Variants in NIPAL2 observed in about 807,000 individuals in gnomAD.
NIPAL2 encodes NIPA like domain containing 2.
NIPAL2 carries 43 observed loss-of-function variants against 48.9 expected under a neutral mutation model. The ratio of observed to expected loss-of-function variants is 0.88; its 90% CI spans 0.69 to 1.13. NIPAL2 has a LOEUF of 1.13. NIPAL2 is among the 50% of genes most tolerant of loss of function. The pLI, the probability that NIPAL2 is intolerant of heterozygous loss-of-function variation, is 0.00. For synonymous variants in NIPAL2, 167 were observed against 174.6 expected, an observed-to-expected ratio of 0.96 and a Z score of 0.34; for missense variants, 446 against 461.4, an observed-to-expected ratio of 0.97 and a Z score of 0.31.
At chr8:98,285,338 G>A (rs1211001465) in intron 1 of NIPAL2, among the ~76,000 whole-genome samples, 4 of 152,188 alleles carry the variant, frequency 2.6e-5, no homozygotes, top group Non-Finnish European at 5.9e-5. Flanking sequence ...TCAGGTGGGT[G>A]TCCAGTCCTT....
chr8:98,199,870 A>G (rs1810723300), intron 8 of NIPAL2, among the ~76,000 whole-genome samples: 1 of 152,050 alleles, frequency 6.6e-6, no homozygotes, highest in Admixed American at 6.5e-5. Flanking sequence ...GTATTTTATG[A>G]ATTTTTGTGG....
intron 3 of NIPAL2, among the ~76,000 whole-genome samples, chr8:98,241,951 G>A (rs1387037452): frequency 6.6e-6 from 1 of 152,026 alleles, no homozygotes; most frequent in African/African-American, 2.4e-5. Context: ...TGACTCCAGA[G>A]TCAGGCACTA....
At chr8:98,251,106 C>T (rs564847849) in intron 3 of NIPAL2, among the ~76,000 whole-genome samples, 3 of 151,858 alleles carry the variant, frequency 2.0e-5, no homozygotes, top group South Asian at 4.2e-4. Context: ...AATTTCAATA[C>T]GATATGGTGC....
At position 98,294,193 on chromosome 8, in the gene NIPAL2, C is replaced by G. The variant is rs1040696146; in HGVS notation, c.-56G>C. The stretch of plus-strand genomic sequence containing the variant: ...CTCGGGCTGCGGCCGCCTCCCCGCC[C>G]TGTTGCACCGCGAGGAGGCCGCGCC... On this transcript the variant is annotated 5_prime_UTR_variant, in exon 1 of 11. Transcript: ENST00000430223. 151 of 1,249,018 alleles carry G rather than the reference C, an allele frequency of 1.2e-4. 1 individual carries two copies. The East Asian group carries it at 3.0e-3, about 25-fold the overall frequency. The allele number at this position is 1,249,018 out of a possible 1,614,324, so 77.4% of individuals were successfully genotyped here.
At chr8:98,260,096 G>T (rs1320821114) in intron 1 of NIPAL2, among the ~76,000 whole-genome samples, 2 of 152,170 alleles carry the variant, frequency 1.3e-5, no homozygotes, top group Non-Finnish European at 1.5e-5. Flanking sequence ...AAAAAGGTGA[G>T]ATATTTTGCT....
At chr8:98,257,952 G>T (rs925190429) in intron 1 of NIPAL2, among the ~76,000 whole-genome samples, 2 of 152,120 alleles carry the variant, frequency 1.3e-5, no homozygotes, top group African/African-American at 4.8e-5. Flanking sequence ...TCCCTAAAAT[G>T]TATAAAACCA....
chr8:98,196,338 C>A (rs1810547971), intron 8 of NIPAL2, among the ~76,000 whole-genome samples: 1 of 152,220 alleles, frequency 6.6e-6, no homozygotes, highest in African/African-American at 2.4e-5. Flanking sequence ...CTATTCCCCA[C>A]CTGCAGTTTT....
intron 1 of NIPAL2, among the ~76,000 whole-genome samples, chr8:98,258,577 A>G (rs142022052): frequency 6.6e-6 from 1 of 152,260 alleles, no homozygotes; most frequent in Non-Finnish European, 1.5e-5. Flanking sequence ...CTGTAACCCA[A>G]CTTAGTGGGT....
intron 1 of NIPAL2, among the ~76,000 whole-genome samples, chr8:98,259,070 C>CTTTTTTTT (rs869220202): frequency 1.7e-4 from 7 of 41,874 alleles, no homozygotes; most frequent in African/African-American, 3.3e-4. Flanking sequence ...TTAAATATTC[C>CTTTTTTTT]TTTTTTTTTT....
chr8:98,197,426 C>T (rs1810602438), intron 8 of NIPAL2, among the ~76,000 whole-genome samples: 2 of 152,126 alleles, frequency 1.3e-5, no homozygotes, highest in African/African-American at 4.8e-5. Flanking sequence ...GTTGATTGAT[C>T]AGGGTGGTGG....
intron 1 of NIPAL2, among the ~76,000 whole-genome samples, chr8:98,286,642 C>T (rs932241098): frequency 6.6e-6 from 1 of 151,870 alleles, no homozygotes; most frequent in Non-Finnish European, 1.5e-5. Context: ...AACCCTGTCT[C>T]TACTAAAAAT....
At chr8:98,258,069 TAC>T (rs1476939341) in intron 1 of NIPAL2, among the ~76,000 whole-genome samples, 1 of 152,256 alleles carries the variant, frequency 6.6e-6, no homozygotes, top group African/African-American at 2.4e-5. Context: ...TCAAATATTT[TAC>T]AGAGTTTGAC....
intron 3 of NIPAL2, among the ~76,000 whole-genome samples, chr8:98,249,816 C>G (rs182436024): frequency 2.0e-5 from 3 of 148,746 alleles, no homozygotes; most frequent in Non-Finnish European, 4.5e-5. Context: ...ATATTACACT[C>G]AAAGTATACA....
intron 5 of NIPAL2, among the ~76,000 whole-genome samples, chr8:98,221,978 T>G (rs1193920549): frequency 2.0e-5 from 3 of 152,180 alleles, no homozygotes; most frequent in Non-Finnish European, 4.4e-5. Context: ...TAAAGACACA[T>G]GCACACATAT....
chr8:98,231,048 A>G (rs938725255), intron 4 of NIPAL2, among the ~76,000 whole-genome samples: 18 of 152,210 alleles, frequency 1.2e-4, no homozygotes, highest in African/African-American at 4.1e-4. Flanking sequence ...TCCCTGCAGT[A>G]TGTCTCCTGG....
chr8:98,228,486 A>G lies in NIPAL2; in HGVS notation c.437-5886T>C, dbSNP rs114172598. ...TTCACTGCTACTTGCTACCTGGAAG[A>G]GCTTAGGCAAGTTATTTACTCCAGA... On this transcript the variant is annotated intron_variant, in intron 4 of 10. Transcript: ENST00000430223. Among the ~76,000 whole-genome samples, 968 of 152,336 alleles carry G rather than the reference A, an allele frequency of 6.4e-3. 13 individuals are homozygous for G. The highest frequency in any genetic ancestry group is 0.021 in the African/African-American group (886 of 41,566).
At chr8:98,234,675 G>A (rs1451819361) in intron 4 of NIPAL2, among the ~76,000 whole-genome samples, 1 of 150,594 alleles carries the variant, frequency 6.6e-6, no homozygotes. Context: ...AGCCTCCCAA[G>A]TAGCTGGGAC....
chr8:98,228,291 GGCTTCTATTCA>G (rs1812276744), intron 4 of NIPAL2, among the ~76,000 whole-genome samples: 1 of 152,166 alleles, frequency 6.6e-6, no homozygotes, highest in South Asian at 2.1e-4. Context: ...GATTGGTAGA[GGCTTCTATTCA>G]GCCATCTTGC....
intron 4 of NIPAL2, among the ~76,000 whole-genome samples, chr8:98,227,448 A>G (rs555685647): frequency 1.3e-5 from 2 of 152,092 alleles, no homozygotes; most frequent in Non-Finnish European, 2.9e-5. Flanking sequence ...TCAGGGCCCA[A>G]ATACTCTTTA....
Sources: allele counts gnomAD v4.1 joint callset (sites outside exome capture counted in the v4.1 genomes callset), GRCh38; gene constraint gnomAD v4.1.1; transcripts MANE v1.5; gene names NCBI Gene and HGNC (gene_info 2026-07-23, HGNC 2026-07-21).